STAG1: variants seen among roughly 807,000 people sequenced by gnomAD.
The protein encoded by STAG1 is cohesin subunit SA-1.
A neutral mutation model predicts 170.9 loss-of-function variants in STAG1; 26 were observed. The observed-to-expected ratio is 0.15, with a 90% CI of 0.11 to 0.21. STAG1 has a LOEUF of 0.21. Ranked by LOEUF, STAG1 falls within the 10% of genes least tolerant of loss-of-function variation. The probability of loss-of-function intolerance (pLI) is 1.00; values close to 1 mark genes in which losing one functional copy is unlikely to be tolerated. For missense variants in STAG1, 964 were observed against 1,509.5 expected, an observed-to-expected ratio of 0.64 and a Z score of 5.99; for synonymous variants, 514 against 497.7, an observed-to-expected ratio of 1.03 and a Z score of -0.44.
intron 3 of STAG1, among the ~76,000 whole-genome samples, chr3:136,613,495 A>C (rs113711290): frequency 4.6e-5 from 7 of 151,994 alleles, no homozygotes; most frequent in African/African-American, 1.4e-4. Flanking sequence ...ATAGTTAATA[A>C]TTATTTTTTA....
At chr3:136,392,905 G>T (rs2087050999) in intron 22 of STAG1, among the ~76,000 whole-genome samples, 1 of 151,700 alleles carries the variant, frequency 6.6e-6, no homozygotes. Context: ...TGCTGAAGTA[G>T]GAGAGCTCAA....
intron 4 of STAG1, among the ~76,000 whole-genome samples, chr3:136,592,255 G>A (rs1352825496): frequency 6.6e-6 from 1 of 152,144 alleles, no homozygotes; most frequent in African/African-American, 2.4e-5. Flanking sequence ...TGTGTCATGG[G>A]ATGGACCCAG....
chr3:136,384,733 A>G (rs1434786590), intron 22 of STAG1, among the ~76,000 whole-genome samples: 1 of 151,776 alleles, frequency 6.6e-6, no homozygotes, highest in Non-Finnish European at 1.5e-5. Flanking sequence ...ACGCCACTGC[A>G]CTCTAGCCTG....
At chr3:136,347,461 T>C (rs1936276136) in intron 29 of STAG1, among the ~76,000 whole-genome samples, 1 of 149,822 alleles carries the variant, frequency 6.7e-6, no homozygotes, top group Non-Finnish European at 1.5e-5. Context: ...TCCAGGATCC[T>C]ACAGTACAAA....
intron 28 of STAG1, among the ~76,000 whole-genome samples, chr3:136,352,493 G>A (rs927642139): frequency 2.6e-5 from 4 of 152,082 alleles, no homozygotes; most frequent in Admixed American, 6.6e-5. Flanking sequence ...ATTATGAGAC[G>A]TACAAAGAAA....
chr3:136,600,327 C>T (rs983820096), intron 4 of STAG1, among the ~76,000 whole-genome samples: 1 of 152,150 alleles, frequency 6.6e-6, no homozygotes, highest in African/African-American at 2.4e-5. Flanking sequence ...CACATTAGGC[C>T]TTGGCTTCAT....
intron 32 of STAG1, 94 bp from the exon 33 acceptor site, chr3:136,338,544 A>AT (rs1935801649): frequency 1.2e-6 from 1 of 863,986 alleles, no homozygotes; most frequent in Non-Finnish European, 1.9e-6. Context: ...TATCATAAAT[A>AT]TATGGAACTG....
chr3:136,537,487 T>G (rs1261865390), intron 6 of STAG1, among the ~76,000 whole-genome samples: 2 of 150,780 alleles, frequency 1.3e-5, no homozygotes, highest in African/African-American at 4.9e-5. Context: ...GTGTCTTTTT[T>G]TTGTTTATTT....
chr3:136,581,392 T>G (rs968504962), intron 4 of STAG1, among the ~76,000 whole-genome samples: 1 of 152,220 alleles, frequency 6.6e-6, no homozygotes, highest in African/African-American at 2.4e-5. Flanking sequence ...CCCTAATATT[T>G]TGCTGTTGCA....
rs1048378731 is a variant in STAG1, at chr3:136,533,370, C to CT, written c.471+8748dup. On this transcript the variant is annotated intron_variant, in intron 6 of 33. Transcript: ENST00000383202. Reference sequence around the variant, plus strand: ...AAGGTTGGTAAAATGACTGTGTCGCCTTTTTTTTATTTTTATTTTTTGCAT... The same window carrying CT: ...AAGGTTGGTAAAATGACTGTGTCGCCTTTTTTTTTATTTTTATTTTTTGCAT... Among the ~76,000 whole-genome samples, 50 of 151,792 alleles carry CT rather than the reference C, an allele frequency of 3.3e-4. 1 individual carries two copies. Among genetic ancestry groups the CT allele is most frequent in the Admixed American group, 1.9e-3 (29 of 15,238 alleles).
chr3:136,582,670 G>C (rs970875655), intron 4 of STAG1, among the ~76,000 whole-genome samples: 1 of 152,080 alleles, frequency 6.6e-6, no homozygotes, highest in Non-Finnish European at 1.5e-5. Flanking sequence ...GTGGTGGTGC[G>C]TGCCTGTAGT....
At chr3:136,629,357 A>T (rs1427904563) in intron 2 of STAG1, among the ~76,000 whole-genome samples, 1 of 152,068 alleles carries the variant, frequency 6.6e-6, no homozygotes, top group Non-Finnish European at 1.5e-5. Flanking sequence ...ACCTGAGCTA[A>T]GACTTAAATA....
At chr3:136,431,815 T>C (rs1176266058) in intron 16 of STAG1, among the ~76,000 whole-genome samples, 1 of 147,838 alleles carries the variant, frequency 6.8e-6, no homozygotes, top group Non-Finnish European at 1.5e-5. Flanking sequence ...CTACATTAGT[T>C]GTTGATCTCT....
chr3:136,500,079 A>G, intron 9 of STAG1, 144 bp downstream of exon 9: 2 of 584,590 alleles, frequency 3.4e-6, no homozygotes, highest in East Asian at 6.3e-5. Flanking sequence ...CTATAGTTGT[A>G]GTGTGACACT....
chr3:136,643,024 T>C (rs1940861719), intron 1 of STAG1, among the ~76,000 whole-genome samples: 1 of 152,230 alleles, frequency 6.6e-6, no homozygotes, highest in Admixed American at 6.5e-5. Context: ...CATATTGGAT[T>C]AGGGCCTACG....
chr3:136,469,833 C>T (rs1269056140), intron 12 of STAG1, among the ~76,000 whole-genome samples: 20 of 152,188 alleles, frequency 1.3e-4, no homozygotes, highest in African/African-American at 4.6e-4. Flanking sequence ...TAATATCACA[C>T]ATCTACAACT....
chr3:136,524,095 T>C (rs993617000), intron 6 of STAG1, among the ~76,000 whole-genome samples: 3 of 152,184 alleles, frequency 2.0e-5, no homozygotes, highest in Non-Finnish European at 4.4e-5. Context: ...TTTGGTCCCA[T>C]ATGAACTTTA....
At chr3:136,699,820 T>C (rs902151798) in intron 1 of STAG1, among the ~76,000 whole-genome samples, 2 of 152,092 alleles carry the variant, frequency 1.3e-5, no homozygotes, top group African/African-American at 4.8e-5. Context: ...TGACAACCAC[T>C]AAATTAAAAT....
At chr3:136,510,295 T>C (rs1316383300) in intron 7 of STAG1, among the ~76,000 whole-genome samples, 3 of 152,164 alleles carry the variant, frequency 2.0e-5, no homozygotes, top group Non-Finnish European at 4.4e-5. Context: ...TTGGATTATT[T>C]TTCTTATTTT....
Sources: allele counts gnomAD v4.1 joint callset (sites outside exome capture counted in the v4.1 genomes callset), GRCh38; gene constraint gnomAD v4.1.1; transcripts MANE v1.5; gene names NCBI Gene and HGNC (gene_info 2026-07-23, HGNC 2026-07-21).